The following WWOX variants were observed in gnomAD, a reference collection of about 807,000 sequenced individuals.
WWOX encodes the protein WW domain-containing oxidoreductase.
Under a neutral mutation model 46.2 loss-of-function variants are expected in WWOX, and 69 were observed. That is an observed-to-expected ratio of 1.49 (90% CI 1.23 to 1.82). WWOX has a LOEUF of 1.82. Among genes scored for constraint, WWOX ranks in the 40% most tolerant of loss-of-function variants. The pLI is 0.00. For synonymous variants in WWOX, 359 were observed against 202.6 expected (o/e 1.77, Z -6.56); for missense variants, 919 against 542.6 (o/e 1.69, Z -6.89).
At chr16:78,309,173 G>A (rs944003579) in intron 5 of WWOX, among the ~76,000 whole-genome samples, 5 of 152,176 alleles carry the variant, frequency 3.3e-5, no homozygotes, top group African/African-American at 4.8e-5. Flanking sequence ...ATCCCGACAT[G>A]TCAAGGGAGA....
intron 8 of WWOX, among the ~76,000 whole-genome samples, chr16:79,140,049 A>G (rs1244058539): frequency 1.3e-5 from 2 of 152,204 alleles, no homozygotes; most frequent in African/African-American, 4.8e-5. Context: ...CTGATAAAGC[A>G]TTTTTGGATT....
At chr16:79,037,016 C>A (rs768130041) in intron 8 of WWOX, among the ~76,000 whole-genome samples, 1 of 152,134 alleles carries the variant, frequency 6.6e-6, no homozygotes, top group Non-Finnish European at 1.5e-5. Context: ...CACGTATTAA[C>A]TGTATTTGTT....
chr16:78,531,906 T>C (rs1188859610), intron 8 of WWOX, among the ~76,000 whole-genome samples: 1 of 152,090 alleles, frequency 6.6e-6, no homozygotes, highest in African/African-American at 2.4e-5. Context: ...ACCTGCCAAC[T>C]ACAATAACTT....
intron 8 of WWOX, among the ~76,000 whole-genome samples, chr16:78,634,757 C>T (rs979418189): frequency 6.8e-6 from 1 of 146,282 alleles, no homozygotes; most frequent in African/African-American, 2.5e-5. Context: ...CGATAAACAT[C>T]ATCTGGACGG....
chr16:78,336,973 G>A (rs1290841492), intron 5 of WWOX, among the ~76,000 whole-genome samples: 1 of 152,008 alleles, frequency 6.6e-6, no homozygotes, highest in African/African-American at 2.4e-5. Flanking sequence ...TACAGACGGG[G>A]TTTCAGCATG....
chr16:79,139,783 G>A (rs977492634), intron 8 of WWOX, among the ~76,000 whole-genome samples: 2 of 152,152 alleles, frequency 1.3e-5, no homozygotes, highest in Non-Finnish European at 2.9e-5. Context: ...AGGCAGAAAG[G>A]GCTCTTGAAA....
chr16:78,472,723 C>T (rs183581345), intron 8 of WWOX, among the ~76,000 whole-genome samples: 15 of 146,668 alleles, frequency 1.0e-4, no homozygotes, highest in East Asian at 4.2e-4. Context: ...GCAGGAGAAT[C>T]GCTTGAACCC....
intron 8 of WWOX, among the ~76,000 whole-genome samples, chr16:78,612,921 G>A (rs2045933921): frequency 6.6e-6 from 1 of 152,218 alleles, no homozygotes; most frequent in African/African-American, 2.4e-5. Flanking sequence ...ATTTTAGTAT[G>A]TGTCTCATTT....
At chr16:79,056,875 C>G (rs1273150463) in intron 8 of WWOX, among the ~76,000 whole-genome samples, 1 of 152,256 alleles carries the variant, frequency 6.6e-6, no homozygotes, top group African/African-American at 2.4e-5. Flanking sequence ...AAGAGCCTTT[C>G]AGGCAGGCTG....
intron 6 of WWOX, among the ~76,000 whole-genome samples, chr16:78,411,913 G>C (rs572790603): frequency 6.6e-5 from 10 of 152,322 alleles, no homozygotes; most frequent in African/African-American, 2.2e-4. Flanking sequence ...AGCAGGCTTT[G>C]GTTTCTACTG....
chr16:78,336,862 C>T (rs1020057215), intron 5 of WWOX, among the ~76,000 whole-genome samples: 48 of 151,984 alleles, frequency 3.2e-4, no homozygotes, highest in African/African-American at 1.1e-3. Context: ...GTGCAATCTC[C>T]TCCGCCTCCC....
At chr16:78,369,980 A>G (rs1425550390) in intron 5 of WWOX, among the ~76,000 whole-genome samples, 1 of 151,916 alleles carries the variant, frequency 6.6e-6, no homozygotes, top group Non-Finnish European at 1.5e-5. Flanking sequence ...TAAAACTACA[A>G]AAATAGCCAG....
intron 5 of WWOX, among the ~76,000 whole-genome samples, chr16:78,226,529 C>G (rs932654590): frequency 7.8e-5 from 10 of 127,688 alleles, no homozygotes; most frequent in Non-Finnish European, 1.6e-4. Flanking sequence ...TTCTCTCCTT[C>G]TCCTCCTCCT....
chr16:78,958,351 G>C (rs893200067), intron 8 of WWOX, among the ~76,000 whole-genome samples: 4 of 151,994 alleles, frequency 2.6e-5, no homozygotes, highest in South Asian at 2.1e-4. Flanking sequence ...AGTGTAACTA[G>C]ACAAAAAAGA....
intron 8 of WWOX, among the ~76,000 whole-genome samples, chr16:78,441,028 C>T (rs147530821): frequency 0.072 from 10,944 of 152,170 alleles, 666 homozygotes; most frequent in African/African-American, 0.16. Flanking sequence ...CTGCAGCCTC[C>T]GCCTCCCAGG....
At chr16:79,171,539 G>A (rs1321059535) in intron 8 of WWOX, among the ~76,000 whole-genome samples, 1 of 152,116 alleles carries the variant, frequency 6.6e-6, no homozygotes, top group South Asian at 2.1e-4. Flanking sequence ...TTTGAAATAA[G>A]AATGGTAGCC....
intron 8 of WWOX, among the ~76,000 whole-genome samples, chr16:78,901,858 C>T (rs75983118): frequency 0.027 from 4,051 of 152,266 alleles, 208 homozygotes; most frequent in East Asian, 0.25. Flanking sequence ...GGAGGGATGA[C>T]GTGAATTCAC....
At chr16:78,924,476 G>T (rs566564586) in intron 8 of WWOX, among the ~76,000 whole-genome samples, 1 of 152,272 alleles carries the variant, frequency 6.6e-6, no homozygotes, top group South Asian at 2.1e-4. Flanking sequence ...CTTAAAACTT[G>T]TCTTCGCTGC....
chr16:78,971,292 C>G (rs1371838530), intron 8 of WWOX, among the ~76,000 whole-genome samples: 1 of 151,604 alleles, frequency 6.6e-6, no homozygotes, highest in African/African-American at 2.4e-5. Context: ...GGTGAAATCC[C>G]ATCTCTACTA....
Sources: allele counts gnomAD v4.1 joint callset (sites outside exome capture counted in the v4.1 genomes callset), GRCh38; gene constraint gnomAD v4.1.1; transcripts MANE v1.5; gene names NCBI Gene and HGNC (gene_info 2026-07-23, HGNC 2026-07-21).